The following ROBO1 variants were observed in gnomAD, a reference collection of about 807,000 sequenced individuals.
ROBO1 encodes the protein roundabout guidance receptor 1, also known as roundabout homolog 1.
In ROBO1, 149 loss-of-function variants were observed where a neutral mutation model predicts 195.9. That is an observed-to-expected ratio of 0.76 (90% CI 0.67 to 0.87). The LOEUF is 0.87. Ranked by LOEUF, ROBO1 falls within the 40% of genes least tolerant of loss-of-function variation. The pLI, the probability that ROBO1 is intolerant of heterozygous loss-of-function variation, is 0.00. For synonymous variants in ROBO1, 816 were observed against 733.2 expected, an observed-to-expected ratio of 1.11 and a Z score of -1.82; for missense variants, 1,933 against 2,068.3, an observed-to-expected ratio of 0.93 and a Z score of 1.27.
chr3:78,680,560 C>T (rs1164890771), intron 10 of ROBO1, among the ~76,000 whole-genome samples: 1 of 151,920 alleles, frequency 6.6e-6, no homozygotes, highest in Non-Finnish European at 1.5e-5. Flanking sequence ...GACATTTATG[C>T]AGCCAAACAA....
In ROBO1 at chr3:78,627,345, T is replaced by TG; in HGVS notation, c.3850dup (p.His1284ProfsTer69). The TG allele has an allele frequency of 1.2e-6, 2 of 1,612,668 alleles. No individual in the cohort carries two copies. Among genetic ancestry groups the TG allele is most frequent in the Non-Finnish European group, 1.7e-6 (2 of 1,179,320 alleles). On this transcript the variant is annotated frameshift_variant, in exon 26 of 31. Coordinates refer to ENST00000464233, the MANE Select transcript of ROBO1 (RefSeq NM_002941.4). LOFTEE classifies it high-confidence loss of function. ...CCTCCTGTCGGGCTGGTGCTGCATG[T>TG]GGCCAGTCTCCTCTGGACAATCCTG...
At chr3:78,707,337 C>T (rs1266645032) in intron 8 of ROBO1, among the ~76,000 whole-genome samples, 1 of 152,102 alleles carries the variant, frequency 6.6e-6, no homozygotes, top group Admixed American at 6.6e-5. Context: ...AAGGCTCAGA[C>T]TCCCAGAAGC....
At chr3:79,533,069 G>T (rs746756949) in intron 2 of ROBO1, 4 of 441,328 alleles carry the variant, frequency 9.1e-6, no homozygotes, top group African/African-American at 8.1e-5. Flanking sequence ...GAATTTTATT[G>T]TATTACAGAA....
rs544676705 is a variant in ROBO1, at chr3:79,070,809, C to T, written c.172+54647G>A. Among the ~76,000 whole-genome samples, 26 of 151,836 alleles carry T rather than the reference C, an allele frequency of 1.7e-4. 1 individual carries two copies. The South Asian group carries it at 5.4e-3, about 32-fold the overall frequency. On this transcript the variant is annotated intron_variant, in intron 3 of 30. Transcript: ENST00000464233. Reference sequence around the variant, plus strand: ...TCAGGCATCACTTTCAGCCAACATACTCATGTGTTTTTTACTGTCTTTCTA... The same window carrying T: ...TCAGGCATCACTTTCAGCCAACATATTCATGTGTTTTTTACTGTCTTTCTA...
At chr3:79,160,308 A>T (rs1414713472) in intron 2 of ROBO1, among the ~76,000 whole-genome samples, 1 of 151,498 alleles carries the variant, frequency 6.6e-6, no homozygotes, top group Non-Finnish European at 1.5e-5. Context: ...AGGTCTGTTA[A>T]TTGAGTTATA....
intron 4 of ROBO1, among the ~76,000 whole-genome samples, chr3:78,860,143 A>G (rs896438558): frequency 8.2e-4 from 95 of 115,420 alleles, no homozygotes; most frequent in Non-Finnish European, 1.2e-3. Flanking sequence ...AGATAGGTAG[A>G]TAGATAGATA....
intron 4 of ROBO1, among the ~76,000 whole-genome samples, chr3:78,884,525 G>A (rs1250023968): frequency 2.0e-5 from 3 of 151,420 alleles, no homozygotes; most frequent in Non-Finnish European, 4.4e-5. Context: ...ACTGAGATGG[G>A]AGGATTGCCC....
At chr3:78,981,807 A>C (rs1339456786) in intron 3 of ROBO1, among the ~76,000 whole-genome samples, 4 of 151,652 alleles carry the variant, frequency 2.6e-5, no homozygotes, top group Non-Finnish European at 5.9e-5. Context: ...ACACACACAC[A>C]CACACACACA....
At chr3:79,626,866 G>T (rs772247302) in intron 1 of ROBO1, among the ~76,000 whole-genome samples, 3 of 152,020 alleles carry the variant, frequency 2.0e-5, no homozygotes, top group Non-Finnish European at 4.4e-5. Flanking sequence ...CAACAGACAA[G>T]CAGAGAGCCA....
chr3:79,716,815 C>A (rs1248059205), intron 1 of ROBO1, among the ~76,000 whole-genome samples: 1 of 151,884 alleles, frequency 6.6e-6, no homozygotes, highest in Non-Finnish European at 1.5e-5. Flanking sequence ...AAAGAGATGT[C>A]TGAAATCACA....
At chr3:78,871,120 T>C (rs886159670) in intron 4 of ROBO1, among the ~76,000 whole-genome samples, 2 of 152,178 alleles carry the variant, frequency 1.3e-5, no homozygotes, top group African/African-American at 4.8e-5. Flanking sequence ...GCTTGTTTGA[T>C]TCCAAGAGTC....
intron 2 of ROBO1, among the ~76,000 whole-genome samples, chr3:79,206,621 A>G (rs1032540182): frequency 6.6e-6 from 1 of 152,164 alleles, no homozygotes; most frequent in Non-Finnish European, 1.5e-5. Flanking sequence ...ATTCATTCAG[A>G]TGGTGTTCCC....
At chr3:79,720,261 A>G (rs1702644204) in intron 1 of ROBO1, among the ~76,000 whole-genome samples, 1 of 152,130 alleles carries the variant, frequency 6.6e-6, no homozygotes, top group African/African-American at 2.4e-5. Flanking sequence ...ACCTCTTGGA[A>G]CATTCCTTAT....
chr3:79,062,926 A>G (rs1004069369), intron 3 of ROBO1, among the ~76,000 whole-genome samples: 2 of 152,072 alleles, frequency 1.3e-5, no homozygotes, highest in African/African-American at 4.8e-5. Flanking sequence ...GTATATGTAT[A>G]CCTATGTAAA....
chr3:78,796,852 C>T (rs968783541), intron 4 of ROBO1, among the ~76,000 whole-genome samples: 1 of 152,148 alleles, frequency 6.6e-6, no homozygotes, highest in Non-Finnish European at 1.5e-5. Context: ...ACTGTCACTA[C>T]CTTGGTCAAA....
intron 1 of ROBO1, among the ~76,000 whole-genome samples, chr3:79,627,605 AC>A (rs756732648): frequency 1.1e-3 from 158 of 143,080 alleles, no homozygotes; most frequent in Non-Finnish European, 1.9e-3. Flanking sequence ...AGACTTCATG[AC>A]AAAAATGCCA....
At chr3:79,233,788 C>T (rs1461425298) in intron 2 of ROBO1, among the ~76,000 whole-genome samples, 1 of 152,176 alleles carries the variant, frequency 6.6e-6, no homozygotes, top group African/African-American at 2.4e-5. Flanking sequence ...AGTGGCTGAA[C>T]TAATTTACAT....
At chr3:78,931,461 G>A (rs13075210) in intron 4 of ROBO1, among the ~76,000 whole-genome samples, 36,233 of 151,648 alleles carry the variant, frequency 0.24, 4,797 homozygotes, top group Non-Finnish European at 0.31. Context: ...GGTCAGGCTG[G>A]TGTCGAAGTC....
chr3:79,411,903 A>G (rs2037783951), intron 2 of ROBO1, among the ~76,000 whole-genome samples: 1 of 152,182 alleles, frequency 6.6e-6, no homozygotes, highest in Non-Finnish European at 1.5e-5. Flanking sequence ...CCAAGAATTG[A>G]AAACCCTGGT....
Sources: gnomAD v4.1 joint callset for allele counts (sites outside exome capture counted in the v4.1 genomes callset) on GRCh38, gnomAD v4.1.1 for gene constraint, MANE v1.5 for transcripts, NCBI Gene and HGNC (gene_info 2026-07-23, HGNC 2026-07-21) for gene names.